The following CELF5 variants were observed in gnomAD, a reference collection of about 807,000 sequenced individuals.
The protein encoded by CELF5 is CUGBP Elav-like family member 5.
A neutral mutation model predicts 54.9 loss-of-function variants in CELF5; 6 were observed. That is an observed-to-expected ratio of 0.11 (90% confidence interval 0.06 to 0.22). The LOEUF is 0.22. Among genes scored for constraint, CELF5 ranks in the 10% least tolerant of loss-of-function variants. The probability of loss-of-function intolerance (pLI) is 1.00; values close to 1 mark genes in which losing one functional copy is unlikely to be tolerated. For synonymous variants in CELF5, 271 were observed against 290.9 expected (o/e 0.93, Z 0.70); for missense variants, 401 against 678.6 (o/e 0.59, Z 4.54).
In CELF5 at chr19:3,241,018, C is replaced by T. The variant is rs147274706; in HGVS notation, c.260-9967C>T. Reference sequence around the variant, plus strand: ...ATGTACCCTTGGTACCCTTGGGTCTCGAGAGATTTGTGTGCAGTGCATTGT... The same window carrying T: ...ATGTACCCTTGGTACCCTTGGGTCTTGAGAGATTTGTGTGCAGTGCATTGT... On this transcript the variant is annotated intron_variant, in intron 1 of 12. Transcript: ENST00000292672. 6.0e-3 allele frequency among the ~76,000 whole-genome samples: 912 copies of T among 151,870 alleles called. 10 individuals are homozygous for T. Among genetic ancestry groups the T allele is most frequent in the African/African-American group, 0.021 (864 of 41,432 alleles).
intron 1 of CELF5, among the ~76,000 whole-genome samples, chr19:3,229,483 G>A (rs1053626223): frequency 3.3e-5 from 5 of 152,116 alleles, no homozygotes; most frequent in Non-Finnish European, 5.9e-5. Context: ...CCCCGCAGGA[G>A]TGGAGGCCAG....
intron 1 of CELF5, among the ~76,000 whole-genome samples, chr19:3,233,578 G>A (rs1354387668): frequency 2.0e-5 from 3 of 152,172 alleles, no homozygotes; most frequent in South Asian, 2.1e-4. Context: ...AGGGAAAGGC[G>A]TTCCAGGAAG....
Position 3,293,437 on chromosome 19 carries a change from C to T in CELF5, c.1449C>T (p.His483=). 6.2e-7 allele frequency: 1 copy of T among 1,614,052 alleles called. No individual in the cohort carries two copies. The highest frequency in any genetic ancestry group is 8.5e-7 in the Non-Finnish European group (1 of 1,179,944). ...TGAAGCGGCCCAAAGACCCGGGACA[C>T]CCCTACTGACCGCGCCCACAGCCGC... The part of the protein sequence containing the change: ...VQLKRPKDPG[H]PY The change falls in exon 12 of 13, where the codon CAC becomes CAT. Residue 483 remains histidine, a synonymous_variant. Coordinates refer to ENST00000292672, the MANE Select transcript of CELF5 (RefSeq NM_021938.4).
chr19:3,227,942 C>T (rs1917016939), intron 1 of CELF5, among the ~76,000 whole-genome samples: 1 of 152,034 alleles, frequency 6.6e-6, no homozygotes, highest in South Asian at 2.1e-4. Flanking sequence ...CCACAGCTGG[C>T]CTGGCCGAAG....
At chr19:3,229,164 G>C (rs1017670105) in intron 1 of CELF5, among the ~76,000 whole-genome samples, 2 of 144,036 alleles carry the variant, frequency 1.4e-5, no homozygotes, top group African/African-American at 5.2e-5. Flanking sequence ...TGCAGAGCTG[G>C]GCATTTGGTG....
At position 3,242,029 on chromosome 19, in the gene CELF5, C is replaced by G. The variant is rs574777363; in HGVS notation, c.260-8956C>G. On this transcript the variant is annotated intron_variant, in intron 1 of 12. Transcript: ENST00000292672. Reference sequence around the variant, plus strand: ...ACCTCAGGTTATCCACCTGCCTTGGCCTCGCAAAATGCTAGGATTACAGGC... The same window carrying G: ...ACCTCAGGTTATCCACCTGCCTTGGGCTCGCAAAATGCTAGGATTACAGGC... Among the ~76,000 whole-genome samples, 48 of 152,264 alleles carry G rather than the reference C, an allele frequency of 3.2e-4. No individual in the cohort carries two copies. In the East Asian group the frequency reaches 8.7e-3, roughly 28 times the overall value.
intron 1 of CELF5, among the ~76,000 whole-genome samples, chr19:3,236,710 C>T (rs1054872147): frequency 2.6e-5 from 4 of 152,110 alleles, no homozygotes; most frequent in African/African-American, 9.7e-5. Flanking sequence ...CTAGGCCAGG[C>T]GCGATGGCTC....
chr19:3,247,422 G>A (rs559079180), intron 1 of CELF5, among the ~76,000 whole-genome samples: 6 of 152,054 alleles, frequency 3.9e-5, no homozygotes, highest in East Asian at 2.0e-4. Flanking sequence ...CATCACGCCC[G>A]GCCTAATTTT....
intron 1 of CELF5, among the ~76,000 whole-genome samples, chr19:3,241,126 A>G (rs1399752554): frequency 6.7e-6 from 1 of 148,978 alleles, no homozygotes; most frequent in Non-Finnish European, 1.5e-5. Context: ...CAGTGGCACC[A>G]TCTTGGCTCA....
In CELF5 at chr19:3,281,829, C is replaced by G. The variant is rs2080157086; in HGVS notation, c.751-297C>G. On this transcript the variant is annotated intron_variant, in intron 6 of 12. Transcript: ENST00000292672. The surrounding 1 kb of genome is among the most constrained non-coding windows in gnomAD (Gnocchi z 6.5). The stretch of plus-strand genomic sequence containing the variant: ...CCTTGATCCTAGATTGAGCCTTAGT[C>G]CCAGGCTGAGCCTCGCTTTTCTAAC... Among the ~76,000 whole-genome samples, 1 of 151,928 alleles carries G rather than the reference C, an allele frequency of 6.6e-6. No homozygotes were observed. The highest frequency in any genetic ancestry group is 1.5e-5 in the Non-Finnish European group (1 of 67,976).
intron 8 of CELF5, chr19:3,284,674 G>A (rs2080204351): frequency 1.7e-6 from 1 of 575,718 alleles, no homozygotes; most frequent in Non-Finnish European, 3.1e-6. Flanking sequence ...TCTCTCTGGA[G>A]TCCGAGAAAC....
chr19:3,269,467 C>T (rs920066223), intron 2 of CELF5, among the ~76,000 whole-genome samples: 1 of 152,108 alleles, frequency 6.6e-6, no homozygotes, highest in Non-Finnish European at 1.5e-5. Context: ...CGTGAGCCAC[C>T]GCGCCCGGCC....
intron 2 of CELF5, among the ~76,000 whole-genome samples, chr19:3,262,266 G>T (rs113687791): frequency 0.21 from 31,934 of 151,886 alleles, 3,417 homozygotes; most frequent in South Asian, 0.26. Flanking sequence ...TGACCTCAGG[G>T]GATCCGCCCA....
At position 3,228,023 on chromosome 19, in the gene CELF5, G is replaced by A. The variant is rs940811659; in HGVS notation, c.259+3025G>A. On this transcript the variant is annotated intron_variant, in intron 1 of 12. Coordinates refer to ENST00000292672, the MANE Select transcript of CELF5 (RefSeq NM_021938.4). This position sits in a 1 kb window ranked among gnomAD's most constrained non-coding sequence, Gnocchi z 6.0. ...GAGAAAGGCAGGAGGCCTCATCCAG[G>A]AGCGGGGCAGGGGTAGGGGGAGAGG... Among the ~76,000 whole-genome samples, 9 of 152,084 alleles carry A rather than the reference G, an allele frequency of 5.9e-5. No homozygotes were observed. Among genetic ancestry groups the A allele is most frequent in the Non-Finnish European group, 7.4e-5 (5 of 68,012 alleles).
At chr19:3,245,253 T>C (rs2079549920) in intron 1 of CELF5, among the ~76,000 whole-genome samples, 1 of 149,214 alleles carries the variant, frequency 6.7e-6, no homozygotes, top group Non-Finnish European at 1.5e-5. Flanking sequence ...TGCGTGTGTA[T>C]GTGGTGTGTG....
chr19:3,258,363 C>T (rs1271053403), intron 2 of CELF5, among the ~76,000 whole-genome samples: 1 of 152,040 alleles, frequency 6.6e-6, no homozygotes, highest in East Asian at 1.9e-4. Context: ...CTCAAGCAAT[C>T]CTCCCGCCTT....
At chr19:3,273,821 G>T in intron 2 of CELF5, 51 bp from the exon 3 acceptor site, 1 of 937,486 alleles carries the variant, frequency 1.1e-6, no homozygotes, top group African/African-American at 1.7e-5. Context: ...CCCCCCGCCT[G>T]CCACACCCCC....
intron 12 of CELF5, chr19:3,294,331 A>G (rs1461789234): frequency 6.6e-6 from 1 of 152,170 alleles, no homozygotes; most frequent in Non-Finnish European, 1.5e-5. Context: ...CGGTCCACCT[A>G]GGGAACAGAG....
intron 2 of CELF5, among the ~76,000 whole-genome samples, chr19:3,271,107 T>C (rs916689313): frequency 2.7e-5 from 4 of 149,488 alleles, no homozygotes; most frequent in African/African-American, 9.9e-5. Context: ...TTCCGTGTGG[T>C]GAATCAGCGT....
Sources: allele counts gnomAD v4.1 joint callset (sites outside exome capture counted in the v4.1 genomes callset), GRCh38; gene constraint gnomAD v4.1.1; non-coding constraint Gnocchi (gnomAD v3.1); transcripts MANE v1.5; gene names NCBI Gene and HGNC (gene_info 2026-07-23, HGNC 2026-07-21).